Variants in SLC24A2 observed in about 807,000 individuals in gnomAD.
SLC24A2 encodes the protein solute carrier family 24 member 2.
A neutral mutation model predicts 62.0 loss-of-function variants in SLC24A2; 36 were observed. The observed-to-expected ratio is 0.58, with a 90% CI of 0.44 to 0.77. The LOEUF is 0.77. Ranked by LOEUF, SLC24A2 falls within the 30% of genes least tolerant of loss-of-function variation. The pLI, the probability that SLC24A2 is intolerant of heterozygous loss-of-function variation, is 0.00. For synonymous variants in SLC24A2, 358 were observed against 294.0 expected, an observed-to-expected ratio of 1.22 and a Z score of -2.23; for missense variants, 846 against 817.9, an observed-to-expected ratio of 1.03 and a Z score of -0.42.
chr9:20,055,792 G>C, the SLC24A2 span, among the ~76,000 whole-genome samples: 3 of 152,262 alleles, frequency 2.0e-5, no homozygotes, highest in Admixed American at 6.5e-5. Flanking sequence ...GGGAGGCTGA[G>C]GCAGGAGAAT....
chr9:19,607,804 GAA>G (rs960351014), intron 4 of SLC24A2, among the ~76,000 whole-genome samples: 3 of 150,892 alleles, frequency 2.0e-5, no homozygotes, highest in Non-Finnish European at 2.9e-5. Flanking sequence ...ATTGGAGAAA[GAA>G]AGAGAGAGGG....
rs7024143 is a variant in SLC24A2, at chr9:19,701,062, T to C, written c.931-78763A>G. Among the ~76,000 whole-genome samples, 4 of 152,176 alleles carry C rather than the reference T, an allele frequency of 2.6e-5. No homozygotes were observed. The South Asian group carries it at 6.2e-4, about 24-fold the overall frequency. On this transcript the variant is annotated intron_variant, in intron 2 of 10. Coordinates refer to ENST00000341998, the MANE Select transcript of SLC24A2 (RefSeq NM_020344.4). ...AGAGGATTGAGTCCTAATTTACTAT[T>C]TGAAATCTGGTCTACCTTGTATAAG...
chr9:19,984,255 G>A, the SLC24A2 span, among the ~76,000 whole-genome samples: 19 of 151,768 alleles, frequency 1.3e-4, no homozygotes, highest in African/African-American at 2.2e-4. Flanking sequence ...TCAAATTCAC[G>A]TAGAATTGCA....
the SLC24A2 span, among the ~76,000 whole-genome samples, chr9:20,297,722 C>T: frequency 6.6e-6 from 1 of 152,190 alleles, no homozygotes; most frequent in East Asian, 1.9e-4. Context: ...CTTGAGGAGG[C>T]TGAGCACAGT....
At chr9:20,090,489 A>G in the SLC24A2 span, among the ~76,000 whole-genome samples, 1 of 152,144 alleles carries the variant, frequency 6.6e-6, no homozygotes, top group East Asian at 1.9e-4. Flanking sequence ...ATATAGGGGT[A>G]TAGGGGAGCC....
At chr9:20,148,626 A>G in the SLC24A2 span, among the ~76,000 whole-genome samples, 1 of 152,142 alleles carries the variant, frequency 6.6e-6, no homozygotes, top group Non-Finnish European at 1.5e-5. Context: ...TGACATTTCA[A>G]AAGAATGGAT....
chr9:20,106,341 C>T, the SLC24A2 span, among the ~76,000 whole-genome samples: 1 of 152,204 alleles, frequency 6.6e-6, no homozygotes, highest in Non-Finnish European at 1.5e-5. Flanking sequence ...CTCCCTAACT[C>T]ATTTGATGAG....
At chr9:19,577,089 G>A in intron 5 of SLC24A2, 67 bp from the exon 6 acceptor site, 1 of 1,249,168 alleles carries the variant, frequency 8.0e-7, no homozygotes, top group Non-Finnish European at 1.2e-6. Context: ...GGCCAAGCAG[G>A]TATGTGGCCT....
the SLC24A2 span, among the ~76,000 whole-genome samples, chr9:20,143,440 C>T: frequency 6.6e-6 from 1 of 152,208 alleles, no homozygotes; most frequent in African/African-American, 2.4e-5. Context: ...TTTTTCCTGC[C>T]TTGACTTAGT....
chr9:20,177,424 A>G, the SLC24A2 span, among the ~76,000 whole-genome samples: 4 of 152,048 alleles, frequency 2.6e-5, no homozygotes, highest in African/African-American at 9.7e-5. Flanking sequence ...TCTTTGTTGC[A>G]GCAGAAAAAT....
At chr9:20,176,643 T>A in the SLC24A2 span, among the ~76,000 whole-genome samples, 2 of 152,112 alleles carry the variant, frequency 1.3e-5, no homozygotes, top group Non-Finnish European at 2.9e-5. Context: ...AAGTTTTATT[T>A]CCAGGAATTC....
chr9:19,822,104 G>T, the SLC24A2 span, among the ~76,000 whole-genome samples: 1 of 152,104 alleles, frequency 6.6e-6, no homozygotes, highest in Non-Finnish European at 1.5e-5. Flanking sequence ...GCTATTGTGT[G>T]CTGGAAGTTG....
Position 19,777,601 on chromosome 9 carries a change from C to A in SLC24A2, c.930+8336G>T, listed in dbSNP as rs1200395399. On this transcript the variant is annotated intron_variant, in intron 2 of 10. Coordinates refer to ENST00000341998, the MANE Select transcript of SLC24A2 (RefSeq NM_020344.4). The stretch of plus-strand genomic sequence containing the variant: ...GATGGGGAAAAGGCTCCATAATAGG[C>A]CAAAAATTTGTAAAAACCTTAAAAT... 2.6e-5 allele frequency among the ~76,000 whole-genome samples: 4 copies of A among 151,804 alleles called. No homozygotes were observed. In the East Asian group the frequency reaches 7.7e-4, roughly 29 times the overall value.
At chr9:19,573,724 C>T (rs943157853) in intron 6 of SLC24A2, among the ~76,000 whole-genome samples, 4 of 152,108 alleles carry the variant, frequency 2.6e-5, no homozygotes, top group African/African-American at 7.2e-5. Flanking sequence ...AGTATACGGC[C>T]TGCCCCCTTA....
chr9:20,105,151 T>C, the SLC24A2 span, among the ~76,000 whole-genome samples: 1 of 151,280 alleles, frequency 6.6e-6, no homozygotes, highest in East Asian at 2.0e-4. Flanking sequence ...GAGCTAACTA[T>C]CTTAAATATA....
chr9:19,534,730 T>G (rs957712748), intron 8 of SLC24A2, among the ~76,000 whole-genome samples: 1 of 152,232 alleles, frequency 6.6e-6, no homozygotes, highest in Admixed American at 6.5e-5. Context: ...GGTGTATATG[T>G]GGCACATTTT....
At chr9:20,236,310 C>G in the SLC24A2 span, among the ~76,000 whole-genome samples, 3 of 152,152 alleles carry the variant, frequency 2.0e-5, no homozygotes, top group African/African-American at 7.2e-5. Context: ...ATATTCAAGA[C>G]AGATACATAC....
chr9:19,586,683 TATG>T, intron 5 of SLC24A2, among the ~76,000 whole-genome samples: 1 of 152,140 alleles, frequency 6.6e-6, no homozygotes, highest in Non-Finnish European at 1.5e-5. Flanking sequence ...GACTGCAGAA[TATG>T]ATGTTTCAGG....
the SLC24A2 span, among the ~76,000 whole-genome samples, chr9:20,064,134 G>C: frequency 6.6e-6 from 1 of 152,112 alleles, no homozygotes; most frequent in South Asian, 2.1e-4. Context: ...ATATTTGTCA[G>C]CAATTGAAAG....
Sources: gnomAD v4.1 joint callset for allele counts (sites outside exome capture counted in the v4.1 genomes callset) on GRCh38, gnomAD v4.1.1 for gene constraint, MANE v1.5 for transcripts, NCBI Gene and HGNC (gene_info 2026-07-23, HGNC 2026-07-21) for gene names.